The following GRID2IP variants were observed in gnomAD, a reference collection of about 807,000 sequenced individuals.
The protein encoded by GRID2IP is Grid2 interacting protein, also known as delphilin.
Under a neutral mutation model 114.3 loss-of-function variants are expected in GRID2IP, and 78 were observed. That is an observed-to-expected ratio of 0.68 (90% CI 0.57 to 0.82). GRID2IP has a LOEUF of 0.82. Ranked by LOEUF, GRID2IP falls within the 40% of genes least tolerant of loss-of-function variation. The pLI is 0.00. For missense variants in GRID2IP, 1,727 were observed against 1,678.5 expected, an observed-to-expected ratio of 1.03 and a Z score of -0.51; for synonymous variants, 809 against 724.0, an observed-to-expected ratio of 1.12 and a Z score of -1.89.
chr7:6,518,159 G>A (rs994085330), intron 7 of GRID2IP, among the ~76,000 whole-genome samples: 3 of 151,976 alleles, frequency 2.0e-5, no homozygotes, highest in African/African-American at 2.4e-5. Context: ...CAGCCTGGGA[G>A]TTCGAGGCTG....
rs1352158343 is a variant in GRID2IP at position 6,536,449 on chromosome 7, C to G, written c.584+3269G>C. Among the ~76,000 whole-genome samples the G allele has an allele frequency of 2.0e-5, 3 of 152,210 alleles. No homozygotes were observed. Among genetic ancestry groups the G allele is most frequent in the African/African-American group, 7.2e-5 (3 of 41,468 alleles). ...CTGCCCGACCCGCTGCCGCAGCTGC[C>G]GGCGGCTTGGGGACCAGCGGCGGCT... On this transcript the variant is annotated intron_variant, in intron 2 of 21. Transcript: ENST00000457091. This position sits in a 1 kb window ranked among gnomAD's most constrained non-coding sequence, Gnocchi z 5.3.
intron 1 of GRID2IP, among the ~76,000 whole-genome samples, chr7:6,545,127 C>A (rs1207159481): frequency 1.3e-5 from 2 of 151,508 alleles, no homozygotes; most frequent in Non-Finnish European, 2.9e-5. Context: ...AAAAAGTTAG[C>A]CAGATATGGT....
At position 6,538,945 on chromosome 7, in the gene GRID2IP, G is replaced by A. The variant is rs1485898628; in HGVS notation, c.584+773C>T. Among the ~76,000 whole-genome samples the A allele has an allele frequency of 2.6e-5, 4 of 152,232 alleles. No homozygotes were observed. In the East Asian group the frequency reaches 5.8e-4, roughly 22 times the overall value. ...GAAAGGAAAGAAAGGAAATCAAAGGGCCAAGAGCACACATGGTTTGTAGGG... is the reference window on the plus strand; with the variant it reads ...GAAAGGAAAGAAAGGAAATCAAAGGACCAAGAGCACACATGGTTTGTAGGG... On this transcript the variant is annotated intron_variant, in intron 2 of 21. Coordinates refer to ENST00000457091, the MANE Select transcript of GRID2IP (RefSeq NM_001145118.2).
At chr7:6,504,391 C>T (rs1786514465) in intron 15 of GRID2IP, among the ~76,000 whole-genome samples, 1 of 89,330 alleles carries the variant, frequency 1.1e-5, no homozygotes, top group Non-Finnish European at 2.3e-5. Context: ...CGAGGGGTGC[C>T]GTAGGGGGCC....
At position 6,514,951 on chromosome 7, in the gene GRID2IP, C is replaced by CAAA. The variant is rs537586098; in HGVS notation, c.1269-425_1269-423dup. On this transcript the variant is annotated intron_variant, in intron 7 of 21. Coordinates refer to ENST00000457091, the MANE Select transcript of GRID2IP (RefSeq NM_001145118.2). Reference sequence around the variant, plus strand: ...TGGGAGACAGAGTGAGACTCCAACTCAAAAAAAAAAAAAAAGAAAAGAAAA... The same window carrying CAAA: ...TGGGAGACAGAGTGAGACTCCAACTCAAAAAAAAAAAAAAAAAAGAAAAGAAAA... Among the ~76,000 whole-genome samples the CAAA allele has an allele frequency of 4.9e-3, 376 of 76,126 alleles. 3 individuals are homozygous for CAAA. The highest frequency in any genetic ancestry group is 0.016 in the African/African-American group (339 of 21,500). The allele number at this position is 76,126 out of a possible 152,430, so 49.9% of individuals were successfully genotyped here. A position where few individuals can be genotyped will look rare whatever the true frequency, so the allele number is the denominator to read the frequency against.
chr7:6,548,405 G>A (rs1779918916), intron 1 of GRID2IP, among the ~76,000 whole-genome samples: 1 of 151,270 alleles, frequency 6.6e-6, no homozygotes, highest in African/African-American at 2.4e-5. Flanking sequence ...TAACTCAAAA[G>A]ATAAATGCTT....
In GRID2IP at chr7:6,508,845, G is replaced by A; in HGVS notation, c.2127+113C>T. On this transcript the variant is annotated intron_variant, in intron 12 of 21. Transcript: ENST00000457091. This position sits in a 1 kb window ranked among gnomAD's most constrained non-coding sequence, Gnocchi z 5.6. ...CTTGAGCTAGGGAGTGGGATAGCCT[G>A]GGGAAGATCCCAAGGGCAGCAGGCC... The A allele has an allele frequency of 5.6e-6, 8 of 1,436,028 alleles. No individual in the cohort carries two copies. The highest frequency in any genetic ancestry group is 2.5e-4 in the Middle Eastern group (1 of 3,970). 89.0% of individuals were successfully genotyped at this position (1,436,028 alleles called of 1,614,324 possible).
rs1779718140 is a variant in GRID2IP, at chr7:6,536,073, C to G, written c.584+3645G>C. On this transcript the variant is annotated intron_variant, in intron 2 of 21. Transcript: ENST00000457091. The surrounding 1 kb of genome is among the most constrained non-coding windows in gnomAD (Gnocchi z 5.3). ...TGTGGCTTCTCCATGCCCCCTCTGA[C>G]CTCTCTCCAGATGGGGCTGCCCAGA... is the stretch of plus-strand genomic sequence containing the variant. Among the ~76,000 whole-genome samples, 1 of 152,206 alleles carries G rather than the reference C, an allele frequency of 6.6e-6. No individual in the cohort carries two copies. Among genetic ancestry groups the G allele is most frequent in the Non-Finnish European group, 1.5e-5 (1 of 68,044 alleles).
chr7:6,517,531 A>G (rs1779332889), intron 7 of GRID2IP, among the ~76,000 whole-genome samples: 2 of 152,156 alleles, frequency 1.3e-5, no homozygotes, highest in Non-Finnish European at 2.9e-5. Context: ...TTCATATTAG[A>G]CACAACAGAC....
intron 1 of GRID2IP, 32 bp downstream of exon 1, chr7:6,550,976 T>TGGC: frequency 2.4e-5 from 24 of 1,015,746 alleles, no homozygotes; most frequent in South Asian, 4.5e-5. Flanking sequence ...GCCCCCTCCT[T>TGGC]CCCGCCCCCA....
Position 6,536,904 on chromosome 7 carries a change from G to C in GRID2IP, c.584+2814C>G. 1 of 650,188 alleles carries C rather than the reference G, an allele frequency of 1.5e-6. No individual in the cohort carries two copies. The highest frequency in any genetic ancestry group is 2.8e-6 in the Non-Finnish European group (1 of 360,724). The allele number at this position is 650,188 out of a possible 1,614,324, so 40.3% of individuals were successfully genotyped here. A position where few individuals can be genotyped will look rare whatever the true frequency, so the allele number is the denominator to read the frequency against. On this transcript the variant is annotated intron_variant, in intron 2 of 21. Coordinates refer to ENST00000457091, the MANE Select transcript of GRID2IP (RefSeq NM_001145118.2). The surrounding 1 kb of genome is among the most constrained non-coding windows in gnomAD (Gnocchi z 5.3). ...GCTGCAGAGCCGAGAGCTGCGCCGG[G>C]GCTGGGGTGGGCGGGGGGGCGGCGG...
At chr7:6,539,016 C>A (rs1237552134) in intron 2 of GRID2IP, among the ~76,000 whole-genome samples, 1 of 152,198 alleles carries the variant, frequency 6.6e-6, no homozygotes, top group Admixed American at 6.5e-5. Context: ...CAGTCCTGGG[C>A]TTCCCTGCCC....
At chr7:6,510,531 G>A (rs1338314137) in intron 10 of GRID2IP, 78 bp downstream of exon 10, 2 of 1,330,756 alleles carry the variant, frequency 1.5e-6, no homozygotes, top group Non-Finnish European at 2.0e-6. Flanking sequence ...CTTGGCCTGG[G>A]TCTCCTGGGC....
intron 1 of GRID2IP, among the ~76,000 whole-genome samples, chr7:6,549,017 A>G (rs1779929129): frequency 6.6e-6 from 1 of 152,062 alleles, no homozygotes; most frequent in Non-Finnish European, 1.5e-5. Flanking sequence ...CCATTCAAGT[A>G]TTAGTGAAAT....
Position 6,519,856 on chromosome 7 carries a change from G to T in GRID2IP, c.1268+722C>A, listed in dbSNP as rs149660670. On this transcript the variant is annotated intron_variant, in intron 7 of 21. Transcript: ENST00000457091. The surrounding 1 kb of genome is among the most constrained non-coding windows in gnomAD (Gnocchi z 4.1). ...GACCATAATAATGACCCCATGGACC[G>T]AGGAGTGTGATAAATGCAGCTGGCT... 6.2e-3 allele frequency among the ~76,000 whole-genome samples: 941 copies of T among 152,342 alleles called. 12 individuals carry two copies. The highest frequency in any genetic ancestry group is 0.011 in the African/African-American group (453 of 41,588).
chr7:6,537,753 G>A (rs1338252046), intron 2 of GRID2IP, among the ~76,000 whole-genome samples: 1 of 152,032 alleles, frequency 6.6e-6, no homozygotes, highest in Non-Finnish European at 1.5e-5. Context: ...GGGAGGCTGA[G>A]GCAGGAGAAT....
intron 1 of GRID2IP, among the ~76,000 whole-genome samples, chr7:6,541,332 C>A (rs1258953584): frequency 1.3e-5 from 2 of 152,170 alleles, no homozygotes; most frequent in Non-Finnish European, 2.9e-5. Flanking sequence ...AAGCTTAAAA[C>A]CACACCACAC....
rs1786711660 is a variant in GRID2IP, at chr7:6,509,815, C to T, written c.1771+468G>A. ...GCTAACTCGGGGACTTCCTCAGAAT[C>T]AGGCATCTGCCTTCTTTCTTTTTCT... On this transcript the variant is annotated intron_variant, in intron 11 of 21. Transcript: ENST00000457091. The surrounding 1 kb of genome is among the most constrained non-coding windows in gnomAD (Gnocchi z 4.9). Among the ~76,000 whole-genome samples the T allele has an allele frequency of 6.6e-6, 1 of 152,188 alleles. No individual in the cohort carries two copies. Among genetic ancestry groups the T allele is most frequent in the Non-Finnish European group, 1.5e-5 (1 of 68,020 alleles).
Position 6,503,658 on chromosome 7 carries a change from G to A in GRID2IP, c.2740C>T (p.Pro914Ser). The A allele has an allele frequency of 2.0e-6, 3 of 1,515,112 alleles. No homozygotes were observed. The highest frequency in any genetic ancestry group is 2.6e-6 in the Non-Finnish European group (3 of 1,138,462). The allele number at this position is 1,515,112 out of a possible 1,614,324, so 93.9% of individuals were successfully genotyped here. A position where few individuals can be genotyped will look rare whatever the true frequency, so the allele number is the denominator to read the frequency against. The change falls in exon 16 of 22, where the codon CCC becomes TCC. Residue 914 changes from proline (P) to serine (S), a missense_variant. By Grantham distance (74) the Pro-to-Ser change is moderately conservative. Coordinates refer to ENST00000457091, the MANE Select transcript of GRID2IP (RefSeq NM_001145118.2). The stretch of plus-strand genomic sequence containing the variant: ...ATCAGCACCTGGCGCAGCTCCGCGG[G>A]GCTCAGCTTCAGGTGTGCCAAGAGG... Reference protein sequence around the residue: ...SILLAHLKLSPAELRQVLMSM... With the variant: ...SILLAHLKLSSAELRQVLMSM...
Sources: gnomAD v4.1 joint callset for allele counts (sites outside exome capture counted in the v4.1 genomes callset) on GRCh38, gnomAD v4.1.1 for gene constraint, Gnocchi (gnomAD v3.1) non-coding constraint, MANE v1.5 for transcripts, NCBI Gene and HGNC (gene_info 2026-07-23, HGNC 2026-07-21) for gene names.